EPHA2: variants seen among roughly 807,000 people sequenced by gnomAD.
EPHA2 encodes the protein ephrin type-A receptor 2.
A neutral mutation model predicts 104.9 loss-of-function variants in EPHA2; 54 were observed. The ratio of observed to expected loss-of-function variants is 0.51; its 90% confidence interval spans 0.41 to 0.65. The LOEUF (loss-of-function observed/expected upper bound fraction) is 0.65. Ranked by LOEUF, EPHA2 falls within the 30% of genes least tolerant of loss-of-function variation. The pLI is 0.00. For synonymous variants in EPHA2, 560 were observed against 559.1 expected (o/e 1.00, Z -0.02); for missense variants, 1,117 against 1,369.5 (o/e 0.82, Z 2.91).
At chr1:16,147,747 G>A (rs2024961195) in intron 3 of EPHA2, among the ~76,000 whole-genome samples, 1 of 151,384 alleles carries the variant, frequency 6.6e-6, no homozygotes, top group South Asian at 2.1e-4. Flanking sequence ...CCCAGGCACA[G>A]AGAGGTCAAG....
intron 3 of EPHA2, among the ~76,000 whole-genome samples, chr1:16,139,051 G>T (rs1477216686): frequency 6.6e-6 from 1 of 152,190 alleles, no homozygotes; most frequent in Admixed American, 6.5e-5. Context: ...ATTTTCTCTG[G>T]CTCTGCTTCC....
At chr1:16,142,197 C>T (rs1268924709) in intron 3 of EPHA2, among the ~76,000 whole-genome samples, 3 of 152,220 alleles carry the variant, frequency 2.0e-5, no homozygotes, top group Non-Finnish European at 2.9e-5. Flanking sequence ...CCTGGCCCCC[C>T]GGCCCCCATT....
At chr1:16,144,180 G>A (rs950185994) in intron 3 of EPHA2, among the ~76,000 whole-genome samples, 8 of 152,198 alleles carry the variant, frequency 5.3e-5, no homozygotes, top group African/African-American at 9.7e-5. Flanking sequence ...CCCGCCCAGC[G>A]GAGATGCCAG....
At chr1:16,138,553 A>G (rs2024764664) in intron 3 of EPHA2, 123 bp from the exon 4 acceptor site, 1 of 1,417,878 alleles carries the variant, frequency 7.1e-7, no homozygotes, top group African/African-American at 1.4e-5. Context: ...ATCTCTATGG[A>G]CCTGTTTTCT....
In EPHA2 at chr1:16,135,444, C is replaced by T. The variant is rs1490839139; in HGVS notation, c.1428+211G>A. 3 of 700,796 alleles carry T rather than the reference C, an allele frequency of 4.3e-6. No homozygotes were observed. Among genetic ancestry groups the T allele is most frequent in the Admixed American group, 4.2e-5 (2 of 47,182 alleles). The allele number at this position is 700,796 out of a possible 1,614,324, so 43.4% of individuals were successfully genotyped here. A position where few individuals can be genotyped will look rare whatever the true frequency, so the allele number is the denominator to read the frequency against. On this transcript the variant is annotated intron_variant, in intron 6 of 16. Coordinates refer to ENST00000358432, the MANE Select transcript of EPHA2 (RefSeq NM_004431.5). The surrounding 1 kb of genome is among the most constrained non-coding windows in gnomAD (Gnocchi z 4.3). ...TCTGCCCCTGTCCTCACCCTGACTG[C>T]CTCTTCCAAGGACGCCATGTCTTCT...
intron 3 of EPHA2, among the ~76,000 whole-genome samples, chr1:16,145,349 G>A (rs573250911): frequency 2.6e-5 from 4 of 152,364 alleles, no homozygotes; most frequent in South Asian, 2.1e-4. Flanking sequence ...TCCGGGCAGC[G>A]TGCCCACCTG....
In EPHA2 at chr1:16,138,385, C is replaced by G; in HGVS notation, c.869G>C (p.Cys290Ser). 1 of 1,613,874 alleles carries G rather than the reference C, an allele frequency of 6.2e-7. No individual in the cohort carries two copies. Among genetic ancestry groups the G allele is most frequent in the Non-Finnish European group, 8.5e-7 (1 of 1,180,002 alleles). Reference protein sequence around the residue: ...FFKFEASESPCLECPEHTLPS... With the variant: ...FFKFEASESPSLECPEHTLPS... ...CAGCGTGTGCTCAGGGCACTCCAAGCAGGGGCTCTCAGATGCCTCAAACTT... is the reference window on the plus strand; with the variant it reads ...CAGCGTGTGCTCAGGGCACTCCAAGGAGGGGCTCTCAGATGCCTCAAACTT... The change falls in exon 4 of 17, where the codon TGC (cysteine) becomes TCC (serine). Residue 290 changes from cysteine (C) to serine (S), a missense_variant. By Grantham distance (112) the Cys-to-Ser change is moderately radical. This residue lies in a region of EPHA2 where 664 missense variants were observed against 784.8 expected (regional missense o/e 0.85). Transcript: ENST00000358432.
At chr1:16,141,571 G>A (rs979573273) in intron 3 of EPHA2, among the ~76,000 whole-genome samples, 2 of 152,196 alleles carry the variant, frequency 1.3e-5, no homozygotes, top group African/African-American at 2.4e-5. Context: ...TGGGAAGCTC[G>A]GGGGCGTTCC....
chr1:16,127,929 T>C (rs1220093022), intron 16 of EPHA2, among the ~76,000 whole-genome samples: 1 of 152,326 alleles, frequency 6.6e-6, no homozygotes, highest in South Asian at 2.1e-4. Context: ...AGAACATGTG[T>C]TTCCCATAAG....
chr1:16,138,227 G>A (rs748269697), intron 4 of EPHA2, 42 bp from the exon 5 acceptor site: 23 of 1,611,926 alleles, frequency 1.4e-5, no homozygotes, highest in African/African-American at 6.7e-5. Flanking sequence ...GGACCCAGGC[G>A]GACACGTCAC....
intron 3 of EPHA2, among the ~76,000 whole-genome samples, chr1:16,138,836 C>G (rs2024770546): frequency 6.6e-6 from 1 of 152,174 alleles, no homozygotes; most frequent in African/African-American, 2.4e-5. Flanking sequence ...CTGTCCGGTC[C>G]CCACCTGGGT....
chr1:16,148,773 T>G lies in EPHA2; in HGVS notation c.428A>C (p.Asp143Ala), dbSNP rs757753525. ...NFQKRLFTKI[D>A]TIAPDEITVS... ...GGTGATCTCATCGGGCGCAATGGTG[T>G]CAATCTTGGTGAACAGGCGCTTCTG... The change falls in exon 3 of 17, where the codon GAC (aspartate) becomes GCC (alanine). Residue 143 changes from aspartate to alanine, a missense_variant. Transcript: ENST00000358432. The surrounding 1 kb of genome is among the most constrained non-coding windows in gnomAD (Gnocchi z 4.9). 1 of 1,614,126 alleles carries G rather than the reference T, an allele frequency of 6.2e-7. No homozygotes were observed. Among genetic ancestry groups the G allele is most frequent in the Admixed American group, 1.7e-5 (1 of 60,030 alleles).
chr1:16,131,922 A>C lies in EPHA2; in HGVS notation c.2326-52T>G, dbSNP rs1570398675. The C allele has an allele frequency of 6.2e-7, 1 of 1,604,722 alleles. No homozygotes were observed. Among genetic ancestry groups the C allele is most frequent in the Non-Finnish European group, 8.5e-7 (1 of 1,175,262 alleles). ...ACTGTGCCCTCTGGCTGGCCCCAGG[A>C]CCATTGCAGCCAAGCCCCACGACCC... On this transcript the variant is annotated intron_variant, in intron 13 of 16. Coordinates refer to ENST00000358432, the MANE Select transcript of EPHA2 (RefSeq NM_004431.5). The surrounding 1 kb of genome is among the most constrained non-coding windows in gnomAD (Gnocchi z 5.2).
chr1:16,142,279 G>T (rs1318552107), intron 3 of EPHA2, among the ~76,000 whole-genome samples: 1 of 152,260 alleles, frequency 6.6e-6, no homozygotes, highest in Admixed American at 6.5e-5. Flanking sequence ...AATGCTGGGT[G>T]CTAGGATGCG....
At chr1:16,136,151 G>T (rs576696689) in intron 5 of EPHA2, among the ~76,000 whole-genome samples, 6 of 151,980 alleles carry the variant, frequency 3.9e-5, no homozygotes, top group African/African-American at 1.4e-4. Flanking sequence ...GATTATGGGC[G>T]TGGTCACCAC....
In EPHA2 at chr1:16,156,000, C is replaced by A; in HGVS notation, c.-68G>T. 7.5e-7 allele frequency: 1 copy of A among 1,336,564 alleles called. No homozygotes were observed. The highest frequency in any genetic ancestry group is 1.5e-5 in the African/African-American group (1 of 64,716). The allele number at this position is 1,336,564 out of a possible 1,614,324, so 82.8% of individuals were successfully genotyped here. A position where few individuals can be genotyped will look rare whatever the true frequency, so the allele number is the denominator to read the frequency against. On this transcript the variant is annotated 5_prime_UTR_variant, in exon 1 of 17. Coordinates refer to ENST00000358432, the MANE Select transcript of EPHA2 (RefSeq NM_004431.5). ...CCCGCACACCCGCACGCCTGCACGC[C>A]GGCCTCGGTGTCCGCTCCCGCCCGC...
At chr1:16,129,343 A>T (rs1570395172) in intron 16 of EPHA2, 91 bp downstream of exon 16, 1 of 1,421,342 alleles carries the variant, frequency 7.0e-7, no homozygotes, top group Non-Finnish European at 9.7e-7. Context: ...AGGAGCATTG[A>T]GGGGCAGGGA....
chr1:16,134,408 G>T lies in EPHA2; in HGVS notation c.1682+60C>A, dbSNP rs2024641593. On this transcript the variant is annotated intron_variant, in intron 8 of 16. Coordinates refer to ENST00000358432, the MANE Select transcript of EPHA2 (RefSeq NM_004431.5). The surrounding 1 kb of genome is among the most constrained non-coding windows in gnomAD (Gnocchi z 4.5). The stretch of plus-strand genomic sequence containing the variant: ...CCATCGTTCAGATGAGGAAATGGAG[G>T]TTCCTGCCCCATTTTCCCACCCAAG... 1.3e-6 allele frequency: 2 copies of T among 1,541,936 alleles called. No homozygotes were observed.
intron 1 of EPHA2, among the ~76,000 whole-genome samples, chr1:16,151,417 G>A (rs1035623940): frequency 2.0e-5 from 3 of 152,206 alleles, no homozygotes; most frequent in Non-Finnish European, 4.4e-5. Context: ...GGACACTGGT[G>A]TCTGCTTCTG....
Sources: gnomAD v4.1 joint callset for allele counts (sites outside exome capture counted in the v4.1 genomes callset) on GRCh38, gnomAD v4.1.1 for gene constraint, gnomAD v4.1.1 regional missense constraint, Gnocchi (gnomAD v3.1) non-coding constraint, MANE v1.5 for transcripts, NCBI Gene and HGNC (gene_info 2026-07-23, HGNC 2026-07-21) for gene names.